Variants in HDAC9 observed in about 807,000 individuals in gnomAD.
HDAC9 encodes the protein MEF-2 interacting transcription repressor (MITR) protein.
HDAC9 carries 41 observed loss-of-function variants against 139.4 expected under a neutral mutation model. The ratio of observed to expected loss-of-function variants is 0.29; its 90% CI spans 0.23 to 0.38. The LOEUF (loss-of-function observed/expected upper bound fraction) is 0.38, where lower values mean the gene tolerates loss of function less well. HDAC9 is among the 10% of genes least tolerant of loss of function. HDAC9 has a pLI of 1.00. For synonymous variants in HDAC9, 517 were observed against 476.2 expected, an observed-to-expected ratio of 1.09 and a Z score of -1.12; for missense variants, 1,147 against 1,297.0, an observed-to-expected ratio of 0.88 and a Z score of 1.78.
At chr7:18,607,917 T>C (rs749720371) in intron 6 of HDAC9, among the ~76,000 whole-genome samples, 4 of 152,182 alleles carry the variant, frequency 2.6e-5, no homozygotes, top group Non-Finnish European at 1.5e-5. Context: ...TCTAATGACA[T>C]ATTTTTCACT....
intron 24 of HDAC9, among the ~76,000 whole-genome samples, chr7:18,961,717 T>G (rs1356420805): frequency 6.6e-6 from 1 of 152,202 alleles, no homozygotes; most frequent in Admixed American, 6.5e-5. Context: ...TAATCTTCTC[T>G]ACCCTGTAAA....
chr7:18,604,363 A>G (rs898079530), intron 6 of HDAC9, among the ~76,000 whole-genome samples: 1 of 149,690 alleles, frequency 6.7e-6, no homozygotes, highest in Non-Finnish European at 1.5e-5. Context: ...AAAGTTATTG[A>G]TTCCTTCCTT....
At chr7:18,584,241 C>T (rs868061914) in intron 2 of HDAC9, among the ~76,000 whole-genome samples, 9 of 145,508 alleles carry the variant, frequency 6.2e-5, no homozygotes, top group Non-Finnish European at 1.0e-4. Flanking sequence ...CCCAGGTTCA[C>T]GCCATTCTCC....
At chr7:18,497,729 G>A (rs1797297825) in intron 2 of HDAC9, among the ~76,000 whole-genome samples, 1 of 152,114 alleles carries the variant, frequency 6.6e-6, no homozygotes, top group Admixed American at 6.6e-5. Flanking sequence ...AAATATGGAT[G>A]AACCCTTTGA....
intron 2 of HDAC9, among the ~76,000 whole-genome samples, chr7:18,282,192 TA>T (rs556903457): frequency 6.6e-5 from 10 of 152,212 alleles, no homozygotes; most frequent in Non-Finnish European, 1.5e-4. Context: ...TAATTGTATT[TA>T]CCAGGTTTTG....
At chr7:18,936,386 A>T (rs1304900701) in intron 23 of HDAC9, among the ~76,000 whole-genome samples, 1 of 152,214 alleles carries the variant, frequency 6.6e-6, no homozygotes, top group Non-Finnish European at 1.5e-5. Context: ...GATGGTGAGA[A>T]TGAGTCTCAA....
At chr7:18,799,874 C>T (rs1268180277) in intron 17 of HDAC9, among the ~76,000 whole-genome samples, 1 of 152,080 alleles carries the variant, frequency 6.6e-6, no homozygotes, top group Admixed American at 6.6e-5. Context: ...CTGAATATTT[C>T]CCAAATTCAA....
intron 8 of HDAC9, among the ~76,000 whole-genome samples, chr7:18,639,886 T>C (rs1785033152): frequency 6.6e-6 from 1 of 151,906 alleles, no homozygotes; most frequent in African/African-American, 2.4e-5. Flanking sequence ...TCCAGGGAAG[T>C]TGGGTGCTGC....
intron 2 of HDAC9, among the ~76,000 whole-genome samples, chr7:18,507,170 ATATTATTATTAT>A (rs59819356): frequency 4.2e-5 from 6 of 144,314 alleles, no homozygotes; most frequent in South Asian, 2.2e-4. Flanking sequence ...TATTCATTAC[ATATTATTATTAT>A]TATTATTATT....
intron 17 of HDAC9, among the ~76,000 whole-genome samples, chr7:18,801,763 A>T (rs1381407889): frequency 6.6e-6 from 1 of 152,014 alleles, no homozygotes; most frequent in African/African-American, 2.4e-5. Context: ...TTATGAAACT[A>T]TTTGGAATTT....
intron 25 of HDAC9, among the ~76,000 whole-genome samples, chr7:18,992,318 A>C (rs1263133976): frequency 6.6e-6 from 1 of 152,238 alleles, no homozygotes; most frequent in Non-Finnish European, 1.5e-5. Context: ...GCCACGTAGA[A>C]GTTACCAGCT....
At chr7:18,702,985 A>G (rs1783622935) in intron 12 of HDAC9, among the ~76,000 whole-genome samples, 3 of 152,346 alleles carry the variant, frequency 2.0e-5, no homozygotes, top group Admixed American at 1.3e-4. Context: ...AAATCCACAC[A>G]TATTATATGA....
intron 13 of HDAC9, 52 bp from the exon 14 acceptor site, chr7:18,748,953 C>T (rs1375673129): frequency 2.0e-6 from 3 of 1,536,918 alleles, no homozygotes; most frequent in South Asian, 1.2e-5. Flanking sequence ...TAACATGTGT[C>T]ATTATCTTGT....
chr7:18,753,198 C>G (rs569440288), intron 14 of HDAC9, among the ~76,000 whole-genome samples: 4 of 152,006 alleles, frequency 2.6e-5, no homozygotes, highest in Non-Finnish European at 5.9e-5. Context: ...AATAAATACA[C>G]AATTACAAAT....
chr7:18,287,209 T>C (rs1450896799), upstream of HDAC9, among the ~76,000 whole-genome samples: 11 of 152,200 alleles, frequency 7.2e-5, no homozygotes, highest in Non-Finnish European at 1.6e-4. Flanking sequence ...ATTGCTTATT[T>C]TTTTTTACTG....
chr7:18,748,344 G>T (rs28463874), intron 13 of HDAC9, among the ~76,000 whole-genome samples: 1 of 152,092 alleles, frequency 6.6e-6, no homozygotes, highest in Non-Finnish European at 1.5e-5. Context: ...TAGTGGCATT[G>T]TAATTTACAT....
intron 23 of HDAC9, among the ~76,000 whole-genome samples, chr7:18,946,149 G>A (rs575660233): frequency 6.8e-6 from 1 of 146,386 alleles, no homozygotes; most frequent in East Asian, 2.2e-4. Flanking sequence ...TATTTCACAG[G>A]TTTCTCTCTT....
Position 18,756,777 on chromosome 7 carries a change from T to C in HDAC9, c.2044-5380T>C, listed in dbSNP as rs373032880. Among the ~76,000 whole-genome samples the C allele has an allele frequency of 1.9e-4, 29 of 152,314 alleles. No individual in the cohort carries two copies. The East Asian group carries it at 2.7e-3, about 14-fold the overall frequency. On this transcript the variant is annotated intron_variant, in intron 14 of 25. Coordinates refer to ENST00000686413, the MANE Select transcript of HDAC9 (RefSeq NM_178425.4). ...AGGACCAGAAGTCAAGGCTCCCAAC[T>C]TGCAATTCTCTTTTTTTCCATGTGA...
At chr7:18,366,698 A>G (rs1276513559) in intron 1 of HDAC9, among the ~76,000 whole-genome samples, 2 of 152,138 alleles carry the variant, frequency 1.3e-5, no homozygotes, top group Non-Finnish European at 2.9e-5. Flanking sequence ...GGTCTTTGCT[A>G]CAAGGCAGTT....
Sources: gnomAD v4.1 joint callset for allele counts (sites outside exome capture counted in the v4.1 genomes callset) on GRCh38, gnomAD v4.1.1 for gene constraint, MANE v1.5 for transcripts, NCBI Gene and HGNC (gene_info 2026-07-23, HGNC 2026-07-21) for gene names.